Variants in TRPC6 observed in about 807,000 individuals in gnomAD.
The protein encoded by TRPC6 is transient receptor potential cation channel subfamily C member 6.
A neutral mutation model predicts 90.7 loss-of-function variants in TRPC6; 55 were observed. The observed-to-expected ratio is 0.61, with a 90% CI of 0.49 to 0.76. TRPC6 has a LOEUF of 0.76. TRPC6 is among the 30% of genes least tolerant of loss of function. The pLI is 0.00. For missense variants in TRPC6, 989 were observed against 1,122.7 expected (o/e 0.88, Z 1.70); for synonymous variants, 393 against 393.0 (o/e 1.00, Z 0.00).
At chr11:101,518,823 T>C (rs1280634836) in intron 1 of TRPC6, among the ~76,000 whole-genome samples, 1 of 152,076 alleles carries the variant, frequency 6.6e-6, no homozygotes, top group Non-Finnish European at 1.5e-5. Flanking sequence ...ATGAAGAAAA[T>C]GTGGTACTTA....
intron 1 of TRPC6, among the ~76,000 whole-genome samples, chr11:101,572,614 C>T (rs1861987429): frequency 6.6e-6 from 1 of 152,088 alleles, no homozygotes; most frequent in Admixed American, 6.6e-5. Flanking sequence ...GACCCAAATG[C>T]CCATCAATTA....
intron 5 of TRPC6, among the ~76,000 whole-genome samples, chr11:101,478,427 G>C (rs1859464531): frequency 6.6e-6 from 1 of 152,066 alleles, no homozygotes; most frequent in African/African-American, 2.4e-5. Context: ...AACAAGCATG[G>C]GGACTAAAGG....
chr11:101,567,024 C>T (rs1044686515), intron 1 of TRPC6, among the ~76,000 whole-genome samples: 1 of 151,260 alleles, frequency 6.6e-6, no homozygotes, highest in East Asian at 2.0e-4. Flanking sequence ...TGAGACAGAA[C>T]CATTCACTCC....
At position 101,504,286 on chromosome 11, in the gene TRPC6, T is replaced by C; in HGVS notation, c.683A>G (p.His228Arg). 1 of 1,613,016 alleles carries C rather than the reference T, an allele frequency of 6.2e-7. No homozygotes were observed. The highest frequency in any genetic ancestry group is 1.3e-5 in the African/African-American group (1 of 75,034). Residue 228 changes from histidine to arginine, a missense_variant, in exon 2 of 13, where the codon CAC becomes CGC. By Grantham distance (29) the His-to-Arg change is conservative. Transcript: ENST00000344327. ...ATGCACAATTTCATATTCCTGGCAG[T>C]GGGCAGCCAGAATGATTGGAGTCAC... ...HDVTPIILAA[H>R]CQEYEIVHTL...
At chr11:101,580,425 C>G (rs928420366) in intron 1 of TRPC6, among the ~76,000 whole-genome samples, 2 of 152,070 alleles carry the variant, frequency 1.3e-5, no homozygotes, top group African/African-American at 4.8e-5. Flanking sequence ...AAAATCTGAG[C>G]CATTTTCTTC....
chr11:101,569,268 A>C (rs2136882325), intron 1 of TRPC6, among the ~76,000 whole-genome samples: 1 of 152,310 alleles, frequency 6.6e-6, no homozygotes, highest in South Asian at 2.1e-4. Flanking sequence ...AATGAAACAA[A>C]GAAGGCCATT....
At chr11:101,457,172 G>T (rs557052607) in intron 10 of TRPC6, among the ~76,000 whole-genome samples, 47 of 152,146 alleles carry the variant, frequency 3.1e-4, no homozygotes, top group Non-Finnish European at 6.2e-4. Flanking sequence ...CTGTCATAGA[G>T]GTTGGAAGTG....
chr11:101,504,560 G>A lies in TRPC6; in HGVS notation c.409C>T (p.Leu137=), dbSNP rs1215289840. ...NCVDYMGQNA[L]QLAVANEHLE... ...TGCTCATTGGCCACTGCCAACTGTA[G>A]GGCATTCTGGCCCATGTAATCCACA... Residue 137 remains leucine (L), a synonymous_variant, in exon 2 of 13, where the codon CTA becomes TTA. Coordinates refer to ENST00000344327, the MANE Select transcript of TRPC6 (RefSeq NM_004621.6). 1.9e-6 allele frequency: 3 copies of A among 1,614,020 alleles called. No homozygotes were observed. The highest frequency in any genetic ancestry group is 2.5e-6 in the Non-Finnish European group (3 of 1,180,018).
intron 1 of TRPC6, among the ~76,000 whole-genome samples, chr11:101,528,424 G>A (rs1318913969): frequency 6.6e-6 from 1 of 152,098 alleles, no homozygotes; most frequent in Non-Finnish European, 1.5e-5. Flanking sequence ...ACTGCACAAA[G>A]CTTAATATAT....
Position 101,452,464 on chromosome 11 carries a change from AAAC to A in TRPC6, c.*488_*490del. The stretch of plus-strand genomic sequence containing the variant: ...GGGATAAGTAGGGTAAATGGTGTTT[AAAC>A]AGCATTCTAAAGAAAGGATTAAAGC... On this transcript the variant is annotated 3_prime_UTR_variant, in exon 13 of 13. Transcript: ENST00000344327. 1 of 164,290 alleles carries A rather than the reference AAAC, an allele frequency of 6.1e-6. No individual in the cohort carries two copies. The highest frequency in any genetic ancestry group is 1.3e-5 in the Non-Finnish European group (1 of 74,400). The allele number at this position is 164,290 out of a possible 1,614,324, so 10.2% of individuals were successfully genotyped here.
chr11:101,520,996 CTT>C (rs2136777268), intron 1 of TRPC6, among the ~76,000 whole-genome samples: 1 of 152,166 alleles, frequency 6.6e-6, no homozygotes, highest in South Asian at 2.1e-4. Context: ...GAGCATAAAA[CTT>C]TGGAAAATTT....
intron 10 of TRPC6, chr11:101,455,595 A>G (rs4405276): frequency 0.31 from 48,725 of 159,272 alleles, 9,736 homozygotes; most frequent in African/African-American, 0.58. Context: ...TAATGTTTGA[A>G]TTTTAGGTAC....
intron 5 of TRPC6, among the ~76,000 whole-genome samples, chr11:101,481,646 G>A (rs967829169): frequency 1.3e-5 from 2 of 152,102 alleles, no homozygotes; most frequent in Non-Finnish European, 2.9e-5. Flanking sequence ...CAAGTTGTTT[G>A]GGGTTTACCT....
intron 1 of TRPC6, among the ~76,000 whole-genome samples, chr11:101,551,952 C>G: frequency 6.6e-6 from 1 of 152,014 alleles, no homozygotes; most frequent in Admixed American, 6.6e-5. Context: ...CTTGTAGAAA[C>G]TGGGGCTTGG....
intron 1 of TRPC6, among the ~76,000 whole-genome samples, chr11:101,558,657 C>T: frequency 6.6e-6 from 1 of 152,092 alleles, no homozygotes; most frequent in Non-Finnish European, 1.5e-5. Context: ...TCAAGCAATT[C>T]TGCCTCTTCA....
At chr11:101,556,405 A>T (rs1180018451) in intron 1 of TRPC6, among the ~76,000 whole-genome samples, 3 of 152,134 alleles carry the variant, frequency 2.0e-5, no homozygotes, top group Non-Finnish European at 4.4e-5. Flanking sequence ...GAAATACAAA[A>T]GCTCATGAGA....
chr11:101,489,641 T>A (rs1273395695), intron 3 of TRPC6, among the ~76,000 whole-genome samples: 3 of 151,872 alleles, frequency 2.0e-5, no homozygotes, highest in Non-Finnish European at 2.9e-5. Context: ...TCAATATTTT[T>A]TTTTTTTGAG....
Position 101,583,404 on chromosome 11 carries a change from T to A in TRPC6, c.100A>T (p.Met34Leu). Residue 34 changes from methionine to leucine, a missense_variant, in exon 1 of 13, where the codon ATG becomes TTG. By Grantham distance (15) the Met-to-Leu change is conservative. This residue lies in a region of TRPC6 where 194 missense variants were observed against 136.5 expected (regional missense o/e 1.42). Transcript: ENST00000344327. ...RRNESQDYLL[M>L]DSELGEDGCP... ...CCGTCTTCTCCCAGCTCCGAGTCCA[T>A]GAGCAGATAGTCCTGGCTCTCGTTG... The A allele has an allele frequency of 1.3e-6, 2 of 1,586,438 alleles. No homozygotes were observed. The highest frequency in any genetic ancestry group is 2.3e-5 in the South Asian group (2 of 87,348).
rs571876475 is a variant in TRPC6, at chr11:101,504,205, C to T, written c.764G>A (p.Cys255Tyr). Residue 255 changes from cysteine (C) to tyrosine (Y), a missense_variant, in exon 2 of 13, where the codon TGC (cysteine) becomes TAC (tyrosine). Coordinates refer to ENST00000344327, the MANE Select transcript of TRPC6 (RefSeq NM_004621.6). ...CTTCTGTTTCTGGTTGCAGTCATTGCACTTGCAGAAATAATCATGAGGCCG... is the reference window on the plus strand; with the variant it reads ...CTTCTGTTTCTGGTTGCAGTCATTGTACTTGCAGAAATAATCATGAGGCCG... The part of the protein sequence containing the change: ...IERPHDYFCK[C>Y]NDCNQKQKHD... 6.2e-7 allele frequency: 1 copy of T among 1,614,136 alleles called. No homozygotes were observed.
Sources: gnomAD v4.1 joint callset for allele counts (sites outside exome capture counted in the v4.1 genomes callset) on GRCh38, gnomAD v4.1.1 for gene constraint, gnomAD v4.1.1 regional missense constraint, MANE v1.5 for transcripts, NCBI Gene and HGNC (gene_info 2026-07-23, HGNC 2026-07-21) for gene names.